GNAZ: variants seen among roughly 807,000 people sequenced by gnomAD.
GNAZ encodes guanine nucleotide-binding protein G(z) subunit alpha.
GNAZ carries 3 observed loss-of-function variants against 25.4 expected under a neutral mutation model. The observed-to-expected ratio is 0.12, with a 90% CI of 0.05 to 0.30. The LOEUF (loss-of-function observed/expected upper bound fraction) is 0.30. Among genes scored for constraint, GNAZ ranks in the 10% least tolerant of loss-of-function variants. GNAZ has a pLI of 1.00. For missense variants in GNAZ, 241 were observed against 501.8 expected, an observed-to-expected ratio of 0.48 and a Z score of 4.97; for synonymous variants, 211 against 205.7, an observed-to-expected ratio of 1.03 and a Z score of -0.22.
At position 23,105,849 on chromosome 22, in the gene GNAZ, C is replaced by G. The variant is rs571793959; in HGVS notation, c.723+9431C>G. 2.6e-5 allele frequency among the ~76,000 whole-genome samples: 4 copies of G among 152,324 alleles called. No individual in the cohort carries two copies. The South Asian group carries it at 8.3e-4, about 32-fold the overall frequency. Reference sequence around the variant, plus strand: ...AATAGGAGACAGTTCTCAGCTGAAACAGAAGTGGACTGGGGCTTTGGAAGA... The same window carrying G: ...AATAGGAGACAGTTCTCAGCTGAAAGAGAAGTGGACTGGGGCTTTGGAAGA... On this transcript the variant is annotated intron_variant, in intron 2 of 2. Transcript: ENST00000615612.
At chr22:23,094,545 GC>G (rs1303959897) in intron 1 of GNAZ, among the ~76,000 whole-genome samples, 1 of 152,218 alleles carries the variant, frequency 6.6e-6, no homozygotes, top group Non-Finnish European at 1.5e-5. Context: ...ACCACGTGCA[GC>G]CCCCAGCTCC....
At chr22:23,118,829 T>G (rs1385391491) in intron 2 of GNAZ, among the ~76,000 whole-genome samples, 1 of 152,208 alleles carries the variant, frequency 6.6e-6, no homozygotes, top group East Asian at 1.9e-4. Flanking sequence ...GGACAATGTT[T>G]AACCCTGCCA....
chr22:23,106,011 G>A (rs927429937), intron 2 of GNAZ, among the ~76,000 whole-genome samples: 19 of 152,170 alleles, frequency 1.2e-4, no homozygotes, highest in Non-Finnish European at 2.1e-4. Context: ...GGAGCTCCAG[G>A]CCCTTTCGGA....
chr22:23,081,926 C>T lies in GNAZ; in HGVS notation c.-450+11356C>T, dbSNP rs2068690410. Among the ~76,000 whole-genome samples, 3 of 150,814 alleles carry T rather than the reference C, an allele frequency of 2.0e-5. No individual in the cohort carries two copies. In the South Asian group the frequency reaches 6.3e-4, roughly 32 times the overall value. On this transcript the variant is annotated intron_variant, in intron 1 of 2. Coordinates refer to ENST00000615612, the MANE Select transcript of GNAZ (RefSeq NM_002073.4). The stretch of plus-strand genomic sequence containing the variant: ...GGATCACGAGGTCAGGAGATCGAGA[C>T]CATCCTGGCTAACACAGTGAAACCT...
In GNAZ at chr22:23,095,668, C is replaced by T; in HGVS notation, c.-28C>T. 1 of 1,579,914 alleles carries T rather than the reference C, an allele frequency of 6.3e-7. No homozygotes were observed. The highest frequency in any genetic ancestry group is 8.6e-7 in the Non-Finnish European group (1 of 1,164,506). ...AGGGAGAGGTGCCCCATCCCGTGCT[C>T]CTTGTCTGGGCCCGCTGCTGCCAGA... On this transcript the variant is annotated 5_prime_UTR_variant, in exon 2 of 3. Transcript: ENST00000615612.
intron 2 of GNAZ, among the ~76,000 whole-genome samples, chr22:23,108,262 C>A (rs1348892619): frequency 3.9e-5 from 6 of 152,230 alleles, no homozygotes; most frequent in Admixed American, 6.5e-5. Flanking sequence ...GAGAGCGGTC[C>A]CCAAGCAGAC....
At chr22:23,076,388 T>C (rs1601750687) in intron 1 of GNAZ, among the ~76,000 whole-genome samples, 1 of 152,358 alleles carries the variant, frequency 6.6e-6, no homozygotes, top group Non-Finnish European at 1.5e-5. Context: ...TCAGTGGCCC[T>C]GTCCAGCCCC....
intron 2 of GNAZ, among the ~76,000 whole-genome samples, chr22:23,099,084 G>A (rs2069214647): frequency 6.6e-6 from 1 of 152,206 alleles, no homozygotes; most frequent in Non-Finnish European, 1.5e-5. Flanking sequence ...AGCTTCCAAG[G>A]CCTCATCTTC....
At chr22:23,101,491 C>T (rs1156748802) in intron 2 of GNAZ, among the ~76,000 whole-genome samples, 2 of 152,146 alleles carry the variant, frequency 1.3e-5, no homozygotes, top group African/African-American at 2.4e-5. Context: ...ACACTCCCCT[C>T]GTCCCCTTGT....
rs757454410 is a variant in GNAZ at position 23,095,672 on chromosome 22, G to C, written c.-24G>C. 1.3e-6 allele frequency: 2 copies of C among 1,583,890 alleles called. No individual in the cohort carries two copies. Among genetic ancestry groups the C allele is most frequent in the Admixed American group, 1.8e-5 (1 of 56,750 alleles). ...AGAGGTGCCCCATCCCGTGCTCCTT[G>C]TCTGGGCCCGCTGCTGCCAGACCAT... On this transcript the variant is annotated 5_prime_UTR_variant, in exon 2 of 3. Transcript: ENST00000615612.
At chr22:23,092,548 T>C (rs1404375540) in intron 1 of GNAZ, among the ~76,000 whole-genome samples, 5 of 152,318 alleles carry the variant, frequency 3.3e-5, no homozygotes, top group African/African-American at 9.6e-5. Context: ...GTGACAGACT[T>C]GGCCCTGATG....
At chr22:23,107,901 C>T (rs952333376) in intron 2 of GNAZ, among the ~76,000 whole-genome samples, 2 of 152,194 alleles carry the variant, frequency 1.3e-5, no homozygotes, top group African/African-American at 4.8e-5. Context: ...GGACACAGAC[C>T]AGCTGTCACT....
chr22:23,079,754 A>G (rs1377048213), intron 1 of GNAZ, among the ~76,000 whole-genome samples: 1 of 152,088 alleles, frequency 6.6e-6, no homozygotes, highest in East Asian at 1.9e-4. Flanking sequence ...AGAATTCTGG[A>G]CAGTCAGGGC....
intron 2 of GNAZ, among the ~76,000 whole-genome samples, chr22:23,098,912 T>G (rs1364083893): frequency 6.6e-6 from 1 of 152,238 alleles, no homozygotes; most frequent in East Asian, 1.9e-4. Flanking sequence ...GCTGCCACTC[T>G]GCTCTCTCCT....
In GNAZ at chr22:23,124,514, T is replaced by A; in HGVS notation, c.*1083T>A. The A allele has an allele frequency of 2.9e-6, 1 of 342,084 alleles. No individual in the cohort carries two copies. Among genetic ancestry groups the A allele is most frequent in the South Asian group, 2.1e-5 (1 of 46,892 alleles). The allele number at this position is 342,084 out of a possible 1,614,324, so 21.2% of individuals were successfully genotyped here. A position where few individuals can be genotyped will look rare whatever the true frequency, so the allele number is the denominator to read the frequency against. On this transcript the variant is annotated 3_prime_UTR_variant, in exon 3 of 3. Coordinates refer to ENST00000615612, the MANE Select transcript of GNAZ (RefSeq NM_002073.4). Reference sequence around the variant, plus strand: ...TGGGGTTTTCTGCTTTGTTTTTATTTAAGAAAATAAACACGACATATTTAA... The same window carrying A: ...TGGGGTTTTCTGCTTTGTTTTTATTAAAGAAAATAAACACGACATATTTAA...
rs3761417 is a variant in GNAZ, at chr22:23,093,563, C to T, written c.-449-1684C>T. Among the ~76,000 whole-genome samples, 29 of 152,330 alleles carry T rather than the reference C, an allele frequency of 1.9e-4. 1 individual carries two copies. The East Asian group carries it at 4.4e-3, about 23-fold the overall frequency. On this transcript the variant is annotated intron_variant, in intron 1 of 2. Transcript: ENST00000615612. ...ACAGAGGGCAAGGTGACGCTCACAG[C>T]GACAAGCACAGCAGGGCAGTGACTG...
intron 1 of GNAZ, among the ~76,000 whole-genome samples, chr22:23,080,785 A>G (rs2068655021): frequency 6.6e-6 from 1 of 152,260 alleles, no homozygotes; most frequent in Non-Finnish European, 1.5e-5. Context: ...GATAAATGAA[A>G]TGCAGAGTCA....
intron 2 of GNAZ, among the ~76,000 whole-genome samples, chr22:23,109,842 G>T (rs1315502231): frequency 6.6e-6 from 1 of 152,194 alleles, no homozygotes; most frequent in African/African-American, 2.4e-5. Flanking sequence ...CTGCTGGGAG[G>T]CAGGACCCAG....
At chr22:23,082,521 G>A (rs902747667) in intron 1 of GNAZ, among the ~76,000 whole-genome samples, 19 of 151,728 alleles carry the variant, frequency 1.3e-4, no homozygotes, top group African/African-American at 2.9e-4. Flanking sequence ...GCCCGGCCTC[G>A]TTGTGTTTTT....
Sources: gnomAD v4.1 joint callset for allele counts (sites outside exome capture counted in the v4.1 genomes callset) on GRCh38, gnomAD v4.1.1 for gene constraint, MANE v1.5 for transcripts, NCBI Gene and HGNC (gene_info 2026-07-23, HGNC 2026-07-21) for gene names.